The following IPCEF1 variants were observed in gnomAD, a reference collection of about 807,000 sequenced individuals.
The protein encoded by IPCEF1 is interactor protein for cytohesin exchange factors 1.
Under a neutral mutation model 50.9 loss-of-function variants are expected in IPCEF1, and 31 were observed. The ratio of observed to expected loss-of-function variants is 0.61; its 90% confidence interval spans 0.46 to 0.82. The LOEUF is 0.82. Among genes scored for constraint, IPCEF1 ranks in the 40% least tolerant of loss-of-function variants. The pLI is 0.00. For missense variants in IPCEF1, 458 were observed against 514.0 expected, an observed-to-expected ratio of 0.89 and a Z score of 1.05; for synonymous variants, 181 against 192.0, an observed-to-expected ratio of 0.94 and a Z score of 0.47.
chr6:154,210,555 G>T lies in IPCEF1; in HGVS notation c.537+2215C>A, dbSNP rs553935284. ...ATAATGTCTTTAGAGGCATTAAAGG[G>T]TAAACTAATCAGAAAGTTGTCAAAA... On this transcript the variant is annotated intron_variant, in intron 9 of 11. Coordinates refer to ENST00000367220, the MANE Select transcript of IPCEF1 (RefSeq NM_001130700.2). 4.6e-5 allele frequency among the ~76,000 whole-genome samples: 7 copies of T among 152,216 alleles called. No homozygotes were observed. The East Asian group carries it at 1.2e-3, about 25-fold the overall frequency.
At chr6:154,220,044 G>A (rs1238183869) in intron 7 of IPCEF1, among the ~76,000 whole-genome samples, 4 of 150,108 alleles carry the variant, frequency 2.7e-5, no homozygotes, top group Non-Finnish European at 5.9e-5. Context: ...GCACATGTTT[G>A]GTGAAAGGCA....
chr6:154,337,611 C>A (rs1311837172), intron 1 of IPCEF1, among the ~76,000 whole-genome samples: 1 of 152,042 alleles, frequency 6.6e-6, no homozygotes, highest in Non-Finnish European at 1.5e-5. Context: ...AAAAGAGGCA[C>A]AGCAACGAGG....
In IPCEF1 at chr6:154,353,397, T is replaced by A. The variant is rs373975164; in HGVS notation, c.-62+3275A>T. Among the ~76,000 whole-genome samples, 9 of 151,852 alleles carry A rather than the reference T, an allele frequency of 5.9e-5. No homozygotes were observed. The South Asian group carries it at 1.5e-3, about 25-fold the overall frequency. ...GCGCCTCCCGGATTCAAGTGGTTCT[T>A]GTGCCTCAGCCTCTTGAGTAGCTGG... On this transcript the variant is annotated intron_variant, in intron 1 of 11. Coordinates refer to ENST00000367220, the MANE Select transcript of IPCEF1 (RefSeq NM_001130700.2).
intron 5 of IPCEF1, among the ~76,000 whole-genome samples, chr6:154,235,944 G>C (rs1161922466): frequency 6.6e-6 from 1 of 152,188 alleles, no homozygotes; most frequent in East Asian, 1.9e-4. Context: ...TTGTGTTCCA[G>C]TTCTATGGTT....
intron 9 of IPCEF1, 33 bp downstream of exon 9, chr6:154,212,737 G>T: frequency 2.1e-6 from 3 of 1,415,066 alleles, no homozygotes; most frequent in Non-Finnish European, 3.0e-6. Flanking sequence ...ATGTCTGATC[G>T]ATGACCAACA....
At chr6:154,248,558 C>T (rs956103139) in intron 3 of IPCEF1, among the ~76,000 whole-genome samples, 2 of 152,054 alleles carry the variant, frequency 1.3e-5, no homozygotes, top group South Asian at 2.1e-4. Flanking sequence ...GGCTTATAGT[C>T]TACATATCTA....
chr6:154,307,010 G>A lies in IPCEF1; in HGVS notation c.-61-17254C>T, dbSNP rs115620223. ...TGGCTTCCGCAACAGACATTCATCC[G>A]CTCACAGTTCTGAGGCCAGAGTCTG... On this transcript the variant is annotated intron_variant, in intron 1 of 11. Transcript: ENST00000367220. Among the ~76,000 whole-genome samples, 1,206 of 152,166 alleles carry A rather than the reference G, an allele frequency of 7.9e-3. 12 individuals are homozygous for A. Among genetic ancestry groups the A allele is most frequent in the African/African-American group, 0.022 (930 of 41,508 alleles).
intron 3 of IPCEF1, among the ~76,000 whole-genome samples, chr6:154,256,596 AC>A (rs1781468907): frequency 6.6e-6 from 1 of 150,858 alleles, no homozygotes; most frequent in African/African-American, 2.4e-5. Flanking sequence ...TCTCTCTCAC[AC>A]ACACACACTC....
Position 154,199,734 on chromosome 6 carries a change from A to G in IPCEF1, c.844T>C (p.Leu282=), listed in dbSNP as rs1361301164. 6.2e-7 allele frequency: 1 copy of G among 1,614,184 alleles called. No homozygotes were observed. Among genetic ancestry groups the G allele is most frequent in the Non-Finnish European group, 8.5e-7 (1 of 1,179,970 alleles). ...GTAAGATGGTCATGATTGCTACTCA[A>G]TGAAGAAGTATCATCACTAGATAAA... The part of the protein sequence containing the change: ...NSLSSDDTSS[L]SSNHDHLTVP... Residue 282 remains leucine (L), a synonymous_variant, in exon 10 of 12, where the codon TTG becomes CTG. Coordinates refer to ENST00000367220, the MANE Select transcript of IPCEF1 (RefSeq NM_001130700.2).
Position 154,215,377 on chromosome 6 carries a change from G to T in IPCEF1, c.393-1101C>A, listed in dbSNP as rs145470683. Reference sequence around the variant, plus strand: ...CCAGCACTTCAGGAGGCCAAGGCAGGTGGATCACCTGAGGTCAGAAGTTCA... The same window carrying T: ...CCAGCACTTCAGGAGGCCAAGGCAGTTGGATCACCTGAGGTCAGAAGTTCA... On this transcript the variant is annotated intron_variant, in intron 7 of 11. Coordinates refer to ENST00000367220, the MANE Select transcript of IPCEF1 (RefSeq NM_001130700.2). 1.9e-4 allele frequency among the ~76,000 whole-genome samples: 29 copies of T among 152,256 alleles called. No homozygotes were observed. In the East Asian group the frequency reaches 5.6e-3, roughly 29 times the overall value.
At chr6:154,290,789 C>T (rs1562581524) in intron 1 of IPCEF1, among the ~76,000 whole-genome samples, 1 of 152,092 alleles carries the variant, frequency 6.6e-6, no homozygotes, top group East Asian at 1.9e-4. Flanking sequence ...TGAACACACC[C>T]CATGATACAT....
At chr6:154,208,370 G>A (rs1045986507) in intron 9 of IPCEF1, among the ~76,000 whole-genome samples, 1 of 152,122 alleles carries the variant, frequency 6.6e-6, no homozygotes, top group Admixed American at 6.5e-5. Context: ...TCAAGGTTTC[G>A]CTCAGATCTC....
chr6:154,189,632 A>G (rs12213117), intron 10 of IPCEF1, among the ~76,000 whole-genome samples: 1 of 152,214 alleles, frequency 6.6e-6, no homozygotes, highest in African/African-American at 2.4e-5. Context: ...TATTACCCAG[A>G]TTTGATCATT....
At chr6:154,344,210 C>T (rs538610594) in intron 1 of IPCEF1, among the ~76,000 whole-genome samples, 153 of 152,116 alleles carry the variant, frequency 1.0e-3, no homozygotes, top group Non-Finnish European at 1.7e-3. Flanking sequence ...TTTCTCTTGC[C>T]TATTAAATCA....
intron 5 of IPCEF1, among the ~76,000 whole-genome samples, chr6:154,229,572 G>A (rs1007457114): frequency 4.0e-5 from 6 of 151,796 alleles, no homozygotes; most frequent in African/African-American, 1.2e-4. Flanking sequence ...TAGCCAGGAC[G>A]GTCTCGATCT....
intron 10 of IPCEF1, among the ~76,000 whole-genome samples, chr6:154,172,027 TC>T: frequency 6.6e-6 from 1 of 152,214 alleles, no homozygotes; most frequent in Non-Finnish European, 1.5e-5. Flanking sequence ...TTTACATTTC[TC>T]TGTGTTCACC....
chr6:154,218,247 T>C (rs1776343596), intron 7 of IPCEF1, among the ~76,000 whole-genome samples: 1 of 152,184 alleles, frequency 6.6e-6, no homozygotes, highest in African/African-American at 2.4e-5. Flanking sequence ...GAGAACAAGT[T>C]TTAAGAAATT....
At chr6:154,220,403 T>A (rs1294401509) in intron 7 of IPCEF1, among the ~76,000 whole-genome samples, 1 of 152,196 alleles carries the variant, frequency 6.6e-6, no homozygotes, top group South Asian at 2.1e-4. Context: ...TACGCCTTAG[T>A]TCCAGCACTT....
At chr6:154,322,820 G>C in intron 1 of IPCEF1, among the ~76,000 whole-genome samples, 1 of 151,350 alleles carries the variant, frequency 6.6e-6, no homozygotes, top group Non-Finnish European at 1.5e-5. Context: ...CTGGAGGAGA[G>C]AATGAGACTT....
Sources: gnomAD v4.1 joint callset for allele counts (sites outside exome capture counted in the v4.1 genomes callset) on GRCh38, gnomAD v4.1.1 for gene constraint, MANE v1.5 for transcripts, NCBI Gene and HGNC (gene_info 2026-07-23, HGNC 2026-07-21) for gene names.